The following C20orf203 variants were observed in gnomAD, a reference collection of about 807,000 sequenced individuals.
The protein encoded by C20orf203 is chromosome 20 open reading frame 203, also known as uncharacterized protein C20orf203.
A neutral mutation model predicts 15.9 loss-of-function variants in C20orf203; 16 were observed. That is an observed-to-expected ratio of 1.01 (90% CI 0.68 to 1.53). The LOEUF (loss-of-function observed/expected upper bound fraction) is 1.53, where lower values mean the gene tolerates loss of function less well. C20orf203 is among the 40% of genes most tolerant of loss of function. C20orf203 has a pLI of 0.00. For missense variants in C20orf203, 263 were observed against 247.5 expected, an observed-to-expected ratio of 1.06 and a Z score of -0.42; for synonymous variants, 98 against 97.2, an observed-to-expected ratio of 1.01 and a Z score of -0.05.
chr20:32,666,798 TA>T lies in C20orf203; in HGVS notation c.-264+6833del, dbSNP rs1407449615. ...AAAAAAGATGAAATTAATTTTAATT[TA>T]TATATATATATATATATATATATAT... On this transcript the variant is annotated intron_variant, in intron 1 of 5. Coordinates refer to ENST00000608990, the MANE Select transcript of C20orf203 (RefSeq NM_182584.4). Among the ~76,000 whole-genome samples the T allele has an allele frequency of 1.8e-3, 51 of 28,028 alleles. 4 individuals are homozygous for T. The highest frequency in any genetic ancestry group is 3.0e-3 in the East Asian group (5 of 1,670). 18.4% of individuals were successfully genotyped at this position (28,028 alleles called of 152,430 possible). A position where few individuals can be genotyped will look rare whatever the true frequency, so the allele number is the denominator to read the frequency against.
intron 1 of C20orf203, among the ~76,000 whole-genome samples, chr20:32,664,157 G>C (rs1349222058): frequency 1.3e-5 from 2 of 152,318 alleles, no homozygotes; most frequent in African/African-American, 4.8e-5. Context: ...TCTGATCCCA[G>C]CGCTCTGGGT....
At chr20:32,664,789 C>G (rs1003979429) in intron 1 of C20orf203, among the ~76,000 whole-genome samples, 2 of 152,238 alleles carry the variant, frequency 1.3e-5, no homozygotes, top group Non-Finnish European at 2.9e-5. Flanking sequence ...AGTCACAGGG[C>G]GTTGGGTGCC....
intron 1 of C20orf203, among the ~76,000 whole-genome samples, chr20:32,670,202 C>T (rs561590552): frequency 2.4e-4 from 35 of 143,626 alleles, no homozygotes; most frequent in Admixed American, 3.5e-4. Context: ...AACAGTGAAA[C>T]TGCGTTTCAA....
In C20orf203 at chr20:32,632,250, G is replaced by A. The variant is rs546144933; in HGVS notation, c.*3320C>T. The A allele has an allele frequency of 9.8e-5, 15 of 152,394 alleles. No homozygotes were observed. Among genetic ancestry groups the A allele is most frequent in the African/African-American group, 3.4e-4 (14 of 41,590 alleles). 9.4% of individuals were successfully genotyped at this position (152,394 alleles called of 1,614,324 possible). A position where few individuals can be genotyped will look rare whatever the true frequency, so the allele number is the denominator to read the frequency against. On this transcript the variant is annotated 3_prime_UTR_variant, in exon 6 of 6. Coordinates refer to ENST00000608990, the MANE Select transcript of C20orf203 (RefSeq NM_182584.4). The stretch of plus-strand genomic sequence containing the variant: ...AGGTCAGGAGTGGGAGAGGGGAGAA[G>A]GCCTTTCATGGAGCACTCCTTAGAT...
chr20:32,652,440 G>A (rs1313561275), intron 1 of C20orf203, among the ~76,000 whole-genome samples: 1 of 151,766 alleles, frequency 6.6e-6, no homozygotes, highest in African/African-American at 2.4e-5. Context: ...ATGCTGCTGT[G>A]TCTTGGAGCT....
At chr20:32,644,811 A>G (rs1411093802) in intron 4 of C20orf203, among the ~76,000 whole-genome samples, 1 of 152,062 alleles carries the variant, frequency 6.6e-6, no homozygotes, top group Non-Finnish European at 1.5e-5. Context: ...ACTGACATTT[A>G]TTGAGCACCA....
intron 1 of C20orf203, among the ~76,000 whole-genome samples, chr20:32,662,834 G>T (rs2145679933): frequency 1.4e-5 from 2 of 142,710 alleles, no homozygotes; most frequent in South Asian, 4.4e-4. Context: ...ACTGAGCTAT[G>T]ATCGCGCCAC....
Position 32,662,895 on chromosome 20 carries a change from A to C in C20orf203, c.-264+10737T>G, listed in dbSNP as rs555591832. Among the ~76,000 whole-genome samples, 7 of 150,116 alleles carry C rather than the reference A, an allele frequency of 4.7e-5. No individual in the cohort carries two copies. In the East Asian group the frequency reaches 1.2e-3, roughly 25 times the overall value. ...AGACTCTGTCTCTATAAAAAAAAAA[A>C]AAAAACAAGAAAGGAACAGCTAGAT... On this transcript the variant is annotated intron_variant, in intron 1 of 5. Transcript: ENST00000608990.
At chr20:32,648,614 T>TG (rs1982507381) in intron 4 of C20orf203, among the ~76,000 whole-genome samples, 3 of 122,144 alleles carry the variant, frequency 2.5e-5, no homozygotes, top group Admixed American at 7.6e-5. Flanking sequence ...CTAATTTTTT[T>TG]TTTTTGTGTG....
intron 1 of C20orf203, among the ~76,000 whole-genome samples, chr20:32,653,084 G>A (rs1489145997): frequency 6.6e-6 from 1 of 152,216 alleles, no homozygotes; most frequent in African/African-American, 2.4e-5. Context: ...TGGGCCAAAT[G>A]ATGGTCTGGG....
intron 1 of C20orf203, among the ~76,000 whole-genome samples, chr20:32,669,928 A>G (rs970620284): frequency 2.0e-5 from 3 of 152,188 alleles, no homozygotes; most frequent in Admixed American, 2.0e-4. Flanking sequence ...CCGGCCGGGC[A>G]CAGTTGCTTA....
In C20orf203 at chr20:32,636,029, G is replaced by C. The variant is rs555843237; in HGVS notation, c.*1300-1759C>G. On this transcript the variant is annotated intron_variant, in intron 5 of 5. Coordinates refer to ENST00000608990, the MANE Select transcript of C20orf203 (RefSeq NM_182584.4). Reference sequence around the variant, plus strand: ...CTGCTTTCTCTCTCCATCTGGCACAGTTCCCCCAGCCCCCAGGCCCCCCTC... The same window carrying C: ...CTGCTTTCTCTCTCCATCTGGCACACTTCCCCCAGCCCCCAGGCCCCCCTC... Among the ~76,000 whole-genome samples, 4 of 152,270 alleles carry C rather than the reference G, an allele frequency of 2.6e-5. No individual in the cohort carries two copies. In the East Asian group the frequency reaches 7.7e-4, roughly 29 times the overall value.
At chr20:32,639,627 T>TA (rs11353903) in intron 5 of C20orf203, among the ~76,000 whole-genome samples, 26,509 of 129,034 alleles carry the variant, frequency 0.21, 3,057 homozygotes, top group Non-Finnish European at 0.27. Flanking sequence ...TTTTAAATAG[T>TA]AAAAAAAAAA....
At chr20:32,637,655 T>C (rs910579747) in intron 5 of C20orf203, among the ~76,000 whole-genome samples, 6 of 152,188 alleles carry the variant, frequency 3.9e-5, no homozygotes, top group African/African-American at 1.4e-4. Context: ...TGGACTACAG[T>C]GTCAGCTCCA....
chr20:32,661,622 TTGTC>T (rs1437898513), intron 1 of C20orf203, among the ~76,000 whole-genome samples: 1 of 152,100 alleles, frequency 6.6e-6, no homozygotes, highest in Non-Finnish European at 1.5e-5. Flanking sequence ...GAGCAGGAAT[TTGTC>T]TGGGAGAGCA....
At chr20:32,655,221 A>T (rs571139338) in intron 1 of C20orf203, among the ~76,000 whole-genome samples, 2 of 152,234 alleles carry the variant, frequency 1.3e-5, no homozygotes, top group Non-Finnish European at 2.9e-5. Flanking sequence ...TAGTTTCATA[A>T]ATATGATACC....
At position 32,651,908 on chromosome 20, in the gene C20orf203, A is replaced by C. The variant is rs1982638930; in HGVS notation, c.-190T>G. 1 of 152,266 alleles carries C rather than the reference A, an allele frequency of 6.6e-6. No individual in the cohort carries two copies. The highest frequency in any genetic ancestry group is 1.5e-5 in the Non-Finnish European group (1 of 68,058). The allele number at this position is 152,266 out of a possible 1,614,324, so 9.4% of individuals were successfully genotyped here. On this transcript the variant is annotated 5_prime_UTR_variant, in exon 2 of 6. Coordinates refer to ENST00000608990, the MANE Select transcript of C20orf203 (RefSeq NM_182584.4). The stretch of plus-strand genomic sequence containing the variant: ...CATTTGTTGAGCATCTACTGGATGC[A>C]GGGTCCTGAACAAGACCCCAGGAAG...
At chr20:32,657,629 TACC>T (rs1242454722) in intron 1 of C20orf203, 2 of 151,450 alleles carry the variant, frequency 1.3e-5, no homozygotes, top group African/African-American at 4.9e-5. Flanking sequence ...GTCCAAGATA[TACC>T]ACCAAGTCAA....
chr20:32,665,906 A>G (rs1331412185), intron 1 of C20orf203, among the ~76,000 whole-genome samples: 1 of 152,122 alleles, frequency 6.6e-6, no homozygotes, highest in Non-Finnish European at 1.5e-5. Flanking sequence ...ACTGCACTCC[A>G]GCCTGGGTGA....
Sources: gnomAD v4.1 joint callset for allele counts (sites outside exome capture counted in the v4.1 genomes callset) on GRCh38, gnomAD v4.1.1 for gene constraint, MANE v1.5 for transcripts, NCBI Gene and HGNC (gene_info 2026-07-23, HGNC 2026-07-21) for gene names.